The following GSTCD variants were observed in gnomAD, a reference collection of about 807,000 sequenced individuals.
GSTCD encodes glutathione S-transferase C-terminal domain containing.
Under a neutral mutation model 68.3 loss-of-function variants are expected in GSTCD, and 44 were observed. The ratio of observed to expected loss-of-function variants is 0.64; its 90% CI spans 0.51 to 0.83. GSTCD has a LOEUF of 0.83. Ranked by LOEUF, GSTCD falls within the 40% of genes least tolerant of loss-of-function variation. The pLI is 0.00. For synonymous variants in GSTCD, 273 were observed against 255.2 expected, an observed-to-expected ratio of 1.07 and a Z score of -0.67; for missense variants, 739 against 735.9, an observed-to-expected ratio of 1.00 and a Z score of -0.05.
intron 5 of GSTCD, among the ~76,000 whole-genome samples, chr4:105,814,296 C>A (rs1722879546): frequency 6.6e-6 from 1 of 152,178 alleles, no homozygotes; most frequent in Non-Finnish European, 1.5e-5. Context: ...TTTTCCTAAA[C>A]CCTGCTGGCT....
At chr4:105,841,256 G>A (rs563178268) in intron 10 of GSTCD, among the ~76,000 whole-genome samples, 15 of 151,828 alleles carry the variant, frequency 9.9e-5, no homozygotes, top group African/African-American at 1.9e-4. Flanking sequence ...CCCAGGAGGC[G>A]GAGGTTGCAG....
At chr4:105,787,392 G>GTTAA in intron 5 of GSTCD, among the ~76,000 whole-genome samples, 1 of 152,034 alleles carries the variant, frequency 6.6e-6, no homozygotes, top group Non-Finnish European at 1.5e-5. Flanking sequence ...AAAGCTTACT[G>GTTAA]AGGATGCCTG....
At chr4:105,749,150 T>C (rs889464102) in intron 5 of GSTCD, among the ~76,000 whole-genome samples, 22 of 141,950 alleles carry the variant, frequency 1.5e-4, no homozygotes, top group Admixed American at 5.9e-4. Flanking sequence ...CATCTTCTTA[T>C]GAAATATTAA....
chr4:105,837,435 G>A (rs1240545607), intron 9 of GSTCD, among the ~76,000 whole-genome samples: 1 of 152,078 alleles, frequency 6.6e-6, no homozygotes, highest in Non-Finnish European at 1.5e-5. Flanking sequence ...ACCTATACTG[G>A]TGTTTCCCCA....
At chr4:105,738,052 G>GTTTCCACTCA (rs1733515870) in intron 5 of GSTCD, among the ~76,000 whole-genome samples, 2 of 152,214 alleles carry the variant, frequency 1.3e-5, no homozygotes, top group African/African-American at 4.8e-5. Flanking sequence ...TCTGCCATGA[G>GTTTCCACTCA]TGGAAGCTTC....
rs1375357765 is a variant in GSTCD at position 105,717,786 on chromosome 4, G to C, written c.173G>C (p.Arg58Thr). ...ICLVVTKEVS[R>T]DSSLLRDDLI... ...TTAGTTGTCACCAAAGAGGTGAGTA[G>C]AGATAGTTCACTACTAAGAGATGAC... The change falls in exon 2 of 12, where the codon AGA becomes ACA. Residue 58 changes from arginine to threonine, a missense_variant. By Grantham distance (71) the Arg-to-Thr change is moderately conservative (BLOSUM62 -1). Transcript: ENST00000515279. 2 of 1,614,004 alleles carry C rather than the reference G, an allele frequency of 1.2e-6. No homozygotes were observed. The highest frequency in any genetic ancestry group is 1.1e-5 in the South Asian group (1 of 91,084).
intron 5 of GSTCD, among the ~76,000 whole-genome samples, chr4:105,797,581 T>A (rs1474958085): frequency 6.6e-6 from 1 of 152,134 alleles, no homozygotes; most frequent in East Asian, 1.9e-4. Context: ...GTGGAGGGTC[T>A]TGCCTTGATG....
intron 5 of GSTCD, among the ~76,000 whole-genome samples, chr4:105,731,808 A>C (rs1226961087): frequency 2.6e-5 from 4 of 152,216 alleles, no homozygotes; most frequent in Non-Finnish European, 5.9e-5. Flanking sequence ...TTGCCCATTC[A>C]GTATGATATT....
At chr4:105,761,452 T>A (rs1734408476) in intron 5 of GSTCD, 1 of 152,134 alleles carries the variant, frequency 6.6e-6, no homozygotes, top group Non-Finnish European at 1.5e-5. Context: ...GTTTGTCTAT[T>A]AAAATAGTAG....
chr4:105,748,436 C>T (rs1283628272), intron 5 of GSTCD, among the ~76,000 whole-genome samples: 4 of 152,012 alleles, frequency 2.6e-5, no homozygotes, highest in African/African-American at 4.8e-5. Flanking sequence ...TGACTCAGAA[C>T]GCTACCAATT....
intron 3 of GSTCD, among the ~76,000 whole-genome samples, chr4:105,721,644 T>G (rs549437995): frequency 6.6e-6 from 1 of 151,782 alleles, no homozygotes; most frequent in South Asian, 2.1e-4. Flanking sequence ...CGATGAGGTG[T>G]TTTTTTTGTT....
At chr4:105,837,676 CAT>C (rs1030322545) in intron 9 of GSTCD, among the ~76,000 whole-genome samples, 181 bp from the exon 10 acceptor site, 3 of 152,136 alleles carry the variant, frequency 2.0e-5, no homozygotes, top group African/African-American at 4.8e-5. Flanking sequence ...AAATTAATAA[CAT>C]ATTGATGATA....
intron 3 of GSTCD, 34 bp downstream of exon 3, chr4:105,719,561 G>A (rs764109668): frequency 1.1e-5 from 16 of 1,477,754 alleles, no homozygotes; most frequent in Non-Finnish European, 1.5e-5. Context: ...ACATTACTAT[G>A]AGTTTCAGTC....
chr4:105,749,610 A>C (rs1237655073), intron 5 of GSTCD, among the ~76,000 whole-genome samples: 3 of 125,744 alleles, frequency 2.4e-5, no homozygotes, highest in Non-Finnish European at 5.4e-5. Context: ...ATCCATAGGC[A>C]AAAAAAAAAA....
chr4:105,760,716 A>G (rs898644510), intron 5 of GSTCD, among the ~76,000 whole-genome samples: 1 of 152,196 alleles, frequency 6.6e-6, no homozygotes, highest in Non-Finnish European at 1.5e-5. Context: ...AATGGACTAG[A>G]GAGAATTAAT....
chr4:105,737,344 G>C (rs1211436947), intron 5 of GSTCD, among the ~76,000 whole-genome samples: 1 of 152,124 alleles, frequency 6.6e-6, no homozygotes, highest in African/African-American at 2.4e-5. Context: ...TATTTTTGCT[G>C]TTTAGTTGTT....
intron 5 of GSTCD, among the ~76,000 whole-genome samples, chr4:105,742,802 A>T (rs1733673480): frequency 6.6e-6 from 1 of 150,956 alleles, no homozygotes. Context: ...GCAGCCTCTA[A>T]CTATTGAGTG....
chr4:105,828,821 G>A (rs1036175538), intron 8 of GSTCD, among the ~76,000 whole-genome samples: 12 of 152,090 alleles, frequency 7.9e-5, no homozygotes, highest in African/African-American at 1.9e-4. Context: ...GACTGAAATC[G>A]TGTTTAATTA....
intron 5 of GSTCD, among the ~76,000 whole-genome samples, chr4:105,781,732 C>G (rs1349920996): frequency 2.0e-5 from 3 of 150,954 alleles, no homozygotes; most frequent in Non-Finnish European, 4.4e-5. Context: ...AAAATAAAAT[C>G]TAAATTTTTG....
Sources: allele counts gnomAD v4.1 joint callset (sites outside exome capture counted in the v4.1 genomes callset), GRCh38; gene constraint gnomAD v4.1.1; transcripts MANE v1.5; gene names NCBI Gene and HGNC (gene_info 2026-07-23, HGNC 2026-07-21).